Variants in KIF14 observed in about 807,000 individuals in gnomAD.
KIF14 encodes kinesin-like protein KIF14.
A neutral mutation model predicts 176.2 loss-of-function variants in KIF14; 98 were observed. The observed-to-expected ratio is 0.56, with a 90% CI of 0.47 to 0.66. The LOEUF (loss-of-function observed/expected upper bound fraction) is 0.66. KIF14 is among the 30% of genes least tolerant of loss of function. The pLI, the probability that KIF14 is intolerant of heterozygous loss-of-function variation, is 0.00. For synonymous variants in KIF14, 566 were observed against 632.2 expected (o/e 0.90, Z 1.57); for missense variants, 1,751 against 1,920.4 (o/e 0.91, Z 1.65).
chr1:200,562,404 C>T (rs755121129), intron 25 of KIF14, among the ~76,000 whole-genome samples: 28 of 152,266 alleles, frequency 1.8e-4, no homozygotes, highest in Admixed American at 6.5e-4. Context: ...TCACAGCAAT[C>T]CTGCCCAGTA....
intron 14 of KIF14, among the ~76,000 whole-genome samples, chr1:200,597,977 G>A (rs1487605674): frequency 6.6e-6 from 1 of 151,674 alleles, no homozygotes; most frequent in Admixed American, 6.6e-5. Flanking sequence ...ATAATTGCAA[G>A]AAAATAAATT....
At chr1:200,600,293 C>G in intron 12 of KIF14, 63 bp downstream of exon 12, 1 of 1,516,818 alleles carries the variant, frequency 6.6e-7, no homozygotes, top group Non-Finnish European at 9.2e-7. Context: ...CTCTTGAGGT[C>G]CCTGCCATTC....
intron 25 of KIF14, 23 bp downstream of exon 25, chr1:200,565,046 T>A: frequency 6.4e-7 from 1 of 1,567,190 alleles, no homozygotes; most frequent in Non-Finnish European, 8.7e-7. Context: ...ATCCTTCAAA[T>A]GATAATAAGC....
Position 200,608,619 on chromosome 1 carries a change from T to G in KIF14, c.1554+211A>C, listed in dbSNP as rs1271575136. On this transcript the variant is annotated intron_variant, in intron 5 of 29. Coordinates refer to ENST00000367350, the MANE Select transcript of KIF14 (RefSeq NM_014875.3). ...CTCTGGCAGTCTGCCCCCCTCAGCCTCCCAAAGTGCTGGGATTACAGGAGT... is the reference window on the plus strand; with the variant it reads ...CTCTGGCAGTCTGCCCCCCTCAGCCGCCCAAAGTGCTGGGATTACAGGAGT... Among the ~76,000 whole-genome samples, 8 of 152,276 alleles carry G rather than the reference T, an allele frequency of 5.3e-5. No individual in the cohort carries two copies. In the East Asian group the frequency reaches 1.5e-3, roughly 29 times the overall value.
At chr1:200,575,556 A>G (rs748094557) in intron 22 of KIF14, 35 bp downstream of exon 22, 9 of 1,266,914 alleles carry the variant, frequency 7.1e-6, no homozygotes, top group Non-Finnish European at 1.0e-5. Flanking sequence ...TGCACACACA[A>G]AGTGCAAGAA....
intron 18 of KIF14, 59 bp downstream of exon 18, chr1:200,589,158 G>GAA: frequency 3.7e-6 from 5 of 1,350,812 alleles, no homozygotes; most frequent in African/African-American, 1.5e-5. Context: ...CCACTTCTTT[G>GAA]AAAAAAAAAA....
intron 19 of KIF14, among the ~76,000 whole-genome samples, chr1:200,581,948 T>C (rs1432879920): frequency 6.6e-6 from 1 of 151,910 alleles, no homozygotes; most frequent in Non-Finnish European, 1.5e-5. Context: ...TTTCTTATAT[T>C]TTGTAGAGAG....
chr1:200,604,105 T>G, intron 8 of KIF14, 150 bp from the exon 9 acceptor site: 1 of 575,050 alleles, frequency 1.7e-6, no homozygotes. Context: ...CTCACTCTGT[T>G]GCCCAGGCTG....
At chr1:200,602,863 A>G (rs1193199482) in intron 10 of KIF14, among the ~76,000 whole-genome samples, 1 of 152,232 alleles carries the variant, frequency 6.6e-6, no homozygotes, top group Non-Finnish European at 1.5e-5. Context: ...GTAGTACCAT[A>G]TATGTTCAAA....
At chr1:200,558,012 G>A (rs181397973) in intron 27 of KIF14, among the ~76,000 whole-genome samples, 22 of 152,328 alleles carry the variant, frequency 1.4e-4, no homozygotes, top group African/African-American at 5.3e-4. Context: ...CTGATATGCA[G>A]TGGTGCAATC....
intron 14 of KIF14, among the ~76,000 whole-genome samples, chr1:200,597,447 A>G (rs1465557587): frequency 4.6e-5 from 7 of 152,248 alleles, no homozygotes; most frequent in Non-Finnish European, 8.8e-5. Context: ...ATGGCCAATC[A>G]ACACATGAAA....
In KIF14 at chr1:200,620,451, C is replaced by T. The variant is rs1246462851; in HGVS notation, c.-156G>A. On this transcript the variant is annotated 5_prime_UTR_variant, in exon 1 of 30. Coordinates refer to ENST00000367350, the MANE Select transcript of KIF14 (RefSeq NM_014875.3). Reference sequence around the variant, plus strand: ...GACTCGGGGAGACTCGGGGAGAAGCCCACGGGCCGAGAGGCCCTGAAGTCC... The same window carrying T: ...GACTCGGGGAGACTCGGGGAGAAGCTCACGGGCCGAGAGGCCCTGAAGTCC... The T allele has an allele frequency of 6.6e-6, 1 of 150,430 alleles. No individual in the cohort carries two copies. Among genetic ancestry groups the T allele is most frequent in the Non-Finnish European group, 1.5e-5 (1 of 68,044 alleles). 9.3% of individuals were successfully genotyped at this position (150,430 alleles called of 1,614,324 possible). A position where few individuals can be genotyped will look rare whatever the true frequency, so the allele number is the denominator to read the frequency against.
rs780838662 is a variant in KIF14, at chr1:200,592,127, T to C, written c.2766A>G (p.Lys922=). 1 of 1,613,832 alleles carries C rather than the reference T, an allele frequency of 6.2e-7. No individual in the cohort carries two copies. Among genetic ancestry groups the C allele is most frequent in the Non-Finnish European group, 8.5e-7 (1 of 1,179,904 alleles). The stretch of plus-strand genomic sequence containing the variant: ...ACTCATTTTTTGCAAATTCAAAGTC[T>C]TTTGGACCCTCACTTATAGGAGTAT... ...GRDTPISEGP[K]DFEFAKNELL... The change falls in exon 16 of 30, where the codon AAA becomes AAG. Residue 922 remains lysine (K), a synonymous_variant. Coordinates refer to ENST00000367350, the MANE Select transcript of KIF14 (RefSeq NM_014875.3).
chr1:200,603,945 A>G lies in KIF14; in HGVS notation c.1757T>C (p.Val586Ala), dbSNP rs1235927542. 85 of 1,603,652 alleles carry G rather than the reference A, an allele frequency of 5.3e-5. No individual in the cohort carries two copies. The highest frequency in any genetic ancestry group is 7.0e-5 in the Non-Finnish European group (82 of 1,170,624). The change falls in exon 9 of 30, where the codon GTG becomes GCG. Residue 586 changes from valine to alanine, a missense_variant. Coordinates refer to ENST00000367350, the MANE Select transcript of KIF14 (RefSeq NM_014875.3). ...TCTGTGATCGTGTTCTTCCCCTTCC[A>G]CAAATTCTGTCTACAGCAAAATGAT... ...LVMTQTKTEF[V>A]EGEEHDHRIT...
chr1:200,572,774 A>G (rs1657881977), intron 22 of KIF14, among the ~76,000 whole-genome samples: 1 of 152,276 alleles, frequency 6.6e-6, no homozygotes, highest in Non-Finnish European at 1.5e-5. Context: ...AAAGATATTC[A>G]TAAATCATTC....
chr1:200,594,689 C>T (rs1399235332), intron 14 of KIF14, among the ~76,000 whole-genome samples: 1 of 152,052 alleles, frequency 6.6e-6, no homozygotes, highest in Non-Finnish European at 1.5e-5. Context: ...ACTCCAAAGT[C>T]CAATTCATCT....
In KIF14 at chr1:200,617,795, T is replaced by C. The variant is rs1159314918; in HGVS notation, c.929A>G (p.Asn310Ser). The change falls in exon 2 of 30, where the codon AAC becomes AGC. Residue 310 changes from asparagine to serine, a missense_variant. Asn to Ser is a conservative substitution (Grantham distance 46). Coordinates refer to ENST00000367350, the MANE Select transcript of KIF14 (RefSeq NM_014875.3). The part of the protein sequence containing the change: ...APSILKNRMS[N>S]LQVKQRPKSS... ...TTTTGGTCTTTGTTTAACTTGAAGG[T>C]TAGACATTCTATTCTTCAGTATTGA... is the stretch of plus-strand genomic sequence containing the variant. 2 of 1,614,136 alleles carry C rather than the reference T, an allele frequency of 1.2e-6. No homozygotes were observed. The highest frequency in any genetic ancestry group is 2.2e-5 in the East Asian group (1 of 44,884).
intron 4 of KIF14, among the ~76,000 whole-genome samples, chr1:200,613,031 G>A (rs1222735835): frequency 1.3e-5 from 2 of 151,832 alleles, no homozygotes; most frequent in African/African-American, 4.8e-5. Flanking sequence ...GGGATTACAG[G>A]CATGTGCCAC....
intron 22 of KIF14, among the ~76,000 whole-genome samples, chr1:200,573,494 C>G (rs543394601): frequency 6.2e-5 from 8 of 128,466 alleles, no homozygotes; most frequent in African/African-American, 2.5e-4. Context: ...ATTGCAGTGG[C>G]GCAATCTCGG....
Sources: gnomAD v4.1 joint callset for allele counts (sites outside exome capture counted in the v4.1 genomes callset) on GRCh38, gnomAD v4.1.1 for gene constraint, MANE v1.5 for transcripts, NCBI Gene and HGNC (gene_info 2026-07-23, HGNC 2026-07-21) for gene names.